KIAA1217: variants seen among roughly 807,000 people sequenced by gnomAD.
KIAA1217 encodes KIAA1217.
A neutral mutation model predicts 163.9 loss-of-function variants in KIAA1217; 88 were observed. The observed-to-expected ratio is 0.54, with a 90% CI of 0.45 to 0.64. KIAA1217 has a LOEUF of 0.64. KIAA1217 is among the 30% of genes least tolerant of loss of function. The pLI is 0.00. For synonymous variants in KIAA1217, 903 were observed against 923.1 expected (o/e 0.98, Z 0.39); for missense variants, 2,372 against 2,475.0 (o/e 0.96, Z 0.88).
At chr10:23,722,402 CT>C (rs1454893930) in intron 1 of KIAA1217, among the ~76,000 whole-genome samples, 1 of 152,028 alleles carries the variant, frequency 6.6e-6, no homozygotes, top group African/African-American at 2.4e-5. Context: ...AAATTAAAAA[CT>C]TAAAAATAGA....
Position 24,545,891 on chromosome 10 carries a change from C to G in KIAA1217, c.5399C>G (p.Ser1800Cys), listed in dbSNP as rs775491873. 6.8e-6 allele frequency: 11 copies of G among 1,613,894 alleles called. No individual in the cohort carries two copies. The African/African-American group carries it at 1.5e-4, about 22-fold the overall frequency. ...CCTACTTCCCCCTCCTTACCTGCTT[C>G]TAAGATTCCAGCCCTTTCTCCCAGC... ...FKPTSPSLPA[S>C]KIPALSPSSG... Residue 1800 changes from serine (S) to cysteine (C), a missense_variant, in exon 21 of 21, where the codon TCT (serine) becomes TGT (cysteine). Transcript: ENST00000376454.
chr10:23,709,583 C>G (rs1407922635), intron 1 of KIAA1217, among the ~76,000 whole-genome samples: 2 of 151,956 alleles, frequency 1.3e-5, no homozygotes, highest in Non-Finnish European at 2.9e-5. Flanking sequence ...TCCGAATGCC[C>G]CTCCTTCTTT....
At chr10:23,947,495 C>T (rs936224650) in intron 1 of KIAA1217, among the ~76,000 whole-genome samples, 1 of 152,140 alleles carries the variant, frequency 6.6e-6, no homozygotes, top group Non-Finnish European at 1.5e-5. Flanking sequence ...TCATCTCATA[C>T]CAAAGCTTTC....
intron 2 of KIAA1217, among the ~76,000 whole-genome samples, chr10:24,108,118 C>A (rs1008014545): frequency 6.6e-6 from 1 of 152,238 alleles, no homozygotes; most frequent in Admixed American, 6.5e-5. Flanking sequence ...TTAGATTTGA[C>A]TTCTCATCCT....
chr10:24,400,046 C>A (rs983505562), intron 3 of KIAA1217, among the ~76,000 whole-genome samples: 8 of 152,264 alleles, frequency 5.3e-5, no homozygotes, highest in Admixed American at 5.2e-4. Flanking sequence ...GATAGATGGA[C>A]TAATCGCCCC....
At chr10:24,090,653 T>TC (rs1341157000) in intron 2 of KIAA1217, among the ~76,000 whole-genome samples, 2 of 151,560 alleles carry the variant, frequency 1.3e-5, no homozygotes, top group African/African-American at 4.9e-5. Flanking sequence ...CCACAGTGGA[T>TC]CCCCATTCCC....
intron 1 of KIAA1217, among the ~76,000 whole-genome samples, chr10:24,003,801 C>T (rs1171112344): frequency 6.6e-6 from 1 of 152,130 alleles, no homozygotes; most frequent in Non-Finnish European, 1.5e-5. Flanking sequence ...AAATTGTGTT[C>T]ATTCAGACTC....
intron 2 of KIAA1217, among the ~76,000 whole-genome samples, chr10:24,115,493 C>T (rs1321510808): frequency 6.6e-6 from 1 of 152,178 alleles, no homozygotes; most frequent in African/African-American, 2.4e-5. Context: ...AGGCCAAAAA[C>T]TGTCCAGTAA....
At chr10:23,865,491 T>C (rs188034564) in intron 1 of KIAA1217, among the ~76,000 whole-genome samples, 44 of 152,322 alleles carry the variant, frequency 2.9e-4, no homozygotes, top group South Asian at 6.2e-4. Flanking sequence ...ATATTTCACG[T>C]CATTTGCAAA....
intron 3 of KIAA1217, among the ~76,000 whole-genome samples, chr10:24,394,443 GGTTTT>G (rs1210744748): frequency 1.4e-5 from 2 of 143,604 alleles, no homozygotes; most frequent in African/African-American, 2.8e-5. Flanking sequence ...CCCACTCTCG[GGTTTT>G]GTTTTGTTTT....
intron 4 of KIAA1217, among the ~76,000 whole-genome samples, chr10:24,433,558 G>T (rs750701998): frequency 6.6e-6 from 1 of 152,082 alleles, no homozygotes; most frequent in African/African-American, 2.4e-5. Flanking sequence ...CATCTGAAAA[G>T]AACATTAGAA....
intron 1 of KIAA1217, among the ~76,000 whole-genome samples, chr10:23,696,478 T>C (rs7900989): frequency 0.16 from 24,750 of 152,182 alleles, 3,740 homozygotes; most frequent in African/African-American, 0.39. Flanking sequence ...ACTGATTCAA[T>C]TGAGTTGAAG....
At chr10:24,301,311 A>G (rs1316805900) in intron 2 of KIAA1217, among the ~76,000 whole-genome samples, 3 of 152,230 alleles carry the variant, frequency 2.0e-5, no homozygotes, top group African/African-American at 4.8e-5. Context: ...ACACCAAAAA[A>G]GCCCTAAAAA....
chr10:24,421,379 T>C (rs766094303), intron 3 of KIAA1217, among the ~76,000 whole-genome samples: 26 of 152,246 alleles, frequency 1.7e-4, no homozygotes, highest in Non-Finnish European at 3.2e-4. Flanking sequence ...ATCCTATATA[T>C]TGATCCTGTA....
Position 24,546,222 on chromosome 10 carries a change from C to A in KIAA1217, c.5730C>A (p.Ala1910=). The A allele has an allele frequency of 6.2e-7, 1 of 1,614,184 alleles. No individual in the cohort carries two copies. The highest frequency in any genetic ancestry group is 8.5e-7 in the Non-Finnish European group (1 of 1,180,034). ...CCTCCGTCTCACTGAATCAAGGTGC[C>A]AAGGGCACCAGGACCATCCATACTC... ...PASSVSLNQG[A]KGTRTIHTPS... The change falls in exon 21 of 21, where the codon GCC becomes GCA. Residue 1910 remains alanine (A), a synonymous_variant. Coordinates refer to ENST00000376454, the MANE Select transcript of KIAA1217 (RefSeq NM_019590.5).
intron 1 of KIAA1217, among the ~76,000 whole-genome samples, chr10:23,719,055 T>G (rs1837726080): frequency 6.6e-6 from 1 of 152,168 alleles, no homozygotes; most frequent in Non-Finnish European, 1.5e-5. Flanking sequence ...TCTAAGCATA[T>G]ACCACAAGTA....
Position 24,473,693 on chromosome 10 carries a change from C to A in KIAA1217, c.1312C>A (p.Pro438Thr). ...CCGGTCAGCGAGTGCTTATTGTAAC[C>A]CCTCAATGCAAGCGGAAATGCATAT... ...AIRSASAYCN[P>T]SMQAEMHMEQ... is the part of the protein sequence containing the mutation. The change falls in exon 6 of 21, where the codon CCC becomes ACC. Residue 438 changes from proline (P) to threonine (T), a missense_variant. Pro to Thr is a conservative substitution (Grantham distance 38). This residue lies in a region of KIAA1217 where 1,431 missense variants were observed against 1,470.3 expected (regional missense o/e 0.97). Transcript: ENST00000376454. 1 of 1,614,026 alleles carries A rather than the reference C, an allele frequency of 6.2e-7. No homozygotes were observed.
At chr10:24,355,428 A>G (rs2048963802) in intron 2 of KIAA1217, among the ~76,000 whole-genome samples, 1 of 152,140 alleles carries the variant, frequency 6.6e-6, no homozygotes, top group Non-Finnish European at 1.5e-5. Context: ...CCCTCTTTCT[A>G]GTTGGTAGAC....
At chr10:23,900,115 C>T (rs1841893395) in intron 1 of KIAA1217, among the ~76,000 whole-genome samples, 1 of 151,832 alleles carries the variant, frequency 6.6e-6, no homozygotes, top group South Asian at 2.1e-4. Context: ...AAGTGATTTT[C>T]CTGCCTCAGC....
Sources: allele counts gnomAD v4.1 joint callset (sites outside exome capture counted in the v4.1 genomes callset), GRCh38; gene constraint gnomAD v4.1.1; regional missense constraint gnomAD v4.1.1; transcripts MANE v1.5; gene names NCBI Gene and HGNC (gene_info 2026-07-23, HGNC 2026-07-21).